NHSL1: variants seen among roughly 807,000 people sequenced by gnomAD.
The protein encoded by NHSL1 is NHS like 1, also known as NHS-like protein 1.
A neutral mutation model predicts 95.0 loss-of-function variants in NHSL1; 48 were observed. The observed-to-expected ratio is 0.51, with a 90% CI of 0.40 to 0.64. NHSL1 has a LOEUF of 0.64. Among genes scored for constraint, NHSL1 ranks in the 30% least tolerant of loss-of-function variants. NHSL1 has a pLI of 0.00. For missense variants in NHSL1, 1,971 were observed against 2,077.7 expected (o/e 0.95, Z 1.00); for synonymous variants, 783 against 833.9 (o/e 0.94, Z 1.05).
chr6:138,563,175 T>C (rs1056265710), intron 1 of NHSL1, among the ~76,000 whole-genome samples: 2 of 152,368 alleles, frequency 1.3e-5, no homozygotes, highest in Non-Finnish European at 2.9e-5. Context: ...ATTGTTTTTA[T>C]TGGTCACTTA....
At chr6:138,637,497 C>T (rs979385240) in intron 1 of NHSL1, among the ~76,000 whole-genome samples, 2 of 152,184 alleles carry the variant, frequency 1.3e-5, no homozygotes, top group Non-Finnish European at 2.9e-5. Flanking sequence ...AACTATCAAT[C>T]TGACAAGTGA....
chr6:138,583,769 C>T (rs1402374166), intron 1 of NHSL1, among the ~76,000 whole-genome samples: 1 of 152,170 alleles, frequency 6.6e-6, no homozygotes, highest in Admixed American at 6.5e-5. Context: ...TCTAATCTGG[C>T]TTGATTAGAT....
chr6:138,504,075 CAA>C (rs68018715), upstream of NHSL1, among the ~76,000 whole-genome samples: 186 of 129,852 alleles, frequency 1.4e-3, no homozygotes, highest in Non-Finnish European at 2.5e-3. Flanking sequence ...CCCAAAAATA[CAA>C]AAAAAATATT....
In NHSL1 at chr6:138,473,040, T is replaced by A. The variant is rs1778850576; in HGVS notation, c.339+266A>T. Among the ~76,000 whole-genome samples, 8 of 152,216 alleles carry A rather than the reference T, an allele frequency of 5.3e-5. No homozygotes were observed. In the South Asian group the frequency reaches 1.7e-3, roughly 31 times the overall value. ...CCTTTATGAATTCCTTAGATTATAA[T>A]CTTACCTTTTAAAAAATTAGGATAG... On this transcript the variant is annotated intron_variant, in intron 3 of 7. Transcript: ENST00000343505.
rs189557835 is a variant in NHSL1 at position 138,482,816 on chromosome 6, A to G, written c.212-9383T>C. On this transcript the variant is annotated intron_variant, in intron 2 of 7. Coordinates refer to ENST00000343505, the MANE Select transcript of NHSL1 (RefSeq NM_001144060.2). ...GTAGCTTGTAAAGGGTAGTGGGACTAAAGGGTTACATTCCCGCCTTCAAGG... is the reference window on the plus strand; with the variant it reads ...GTAGCTTGTAAAGGGTAGTGGGACTGAAGGGTTACATTCCCGCCTTCAAGG... 2.0e-5 allele frequency among the ~76,000 whole-genome samples: 3 copies of G among 152,318 alleles called. No homozygotes were observed. In the East Asian group the frequency reaches 5.8e-4, roughly 29 times the overall value.
intron 1 of NHSL1, among the ~76,000 whole-genome samples, chr6:138,531,575 G>A (rs1020047543): frequency 1.3e-5 from 2 of 151,104 alleles, no homozygotes; most frequent in Admixed American, 6.6e-5. Flanking sequence ...CTGGAGTGCA[G>A]TGGCAACATC....
intron 1 of NHSL1, 55 bp downstream of exon 1, chr6:138,499,178 C>A: frequency 8.7e-7 from 1 of 1,153,422 alleles, no homozygotes; most frequent in South Asian, 1.3e-5. Context: ...GGGACATATA[C>A]ACATATGGAA....
intron 1 of NHSL1, among the ~76,000 whole-genome samples, chr6:138,663,062 C>CAAAAAAAAAAAAAA (rs10632082): frequency 2.3e-4 from 29 of 126,620 alleles, no homozygotes; most frequent in African/African-American, 7.0e-4. Flanking sequence ...GAACTCACGG[C>CAAAAAAAAAAAAAA]AAAAAAAAAA....
At chr6:138,537,800 C>T (rs938773475) in intron 1 of NHSL1, among the ~76,000 whole-genome samples, 2 of 152,106 alleles carry the variant, frequency 1.3e-5, no homozygotes, top group Non-Finnish European at 2.9e-5. Flanking sequence ...TTCCCAAAGT[C>T]AATCTTGGAG....
At chr6:138,659,717 TTTTG>T (rs1354871860) in intron 1 of NHSL1, among the ~76,000 whole-genome samples, 3,092 of 134,548 alleles carry the variant, frequency 0.023, 115 homozygotes, top group African/African-American at 0.089. Flanking sequence ...CACGTTTTTT[TTTTG>T]TTTTTTTTTT....
At chr6:138,598,784 T>C (rs1335415112) in intron 1 of NHSL1, among the ~76,000 whole-genome samples, 1 of 152,052 alleles carries the variant, frequency 6.6e-6, no homozygotes, top group Non-Finnish European at 1.5e-5. Flanking sequence ...TGTGGTAGGG[T>C]GGGTGAAGCT....
Position 138,670,144 on chromosome 6 carries a change from C to A in NHSL1, c.96+22332G>T, listed in dbSNP as rs148807971. Among the ~76,000 whole-genome samples the A allele has an allele frequency of 3.3e-3, 505 of 151,300 alleles. 2 individuals carry two copies. Among genetic ancestry groups the A allele is most frequent in the African/African-American group, 0.012 (485 of 41,214 alleles). On this transcript the variant is annotated intron_variant, in intron 1 of 3. Coordinates refer to the NHSL1 transcript ENST00000491526. ...TCAAAAACTAAAATAAAAATAAAATCAATCAATCAATCAATAAAGTTACTG... is the reference window on the plus strand; with the variant it reads ...TCAAAAACTAAAATAAAAATAAAATAAATCAATCAATCAATAAAGTTACTG...
intron 1 of NHSL1, among the ~76,000 whole-genome samples, chr6:138,587,132 C>G (rs1784147435): frequency 6.6e-6 from 1 of 151,554 alleles, no homozygotes; most frequent in Non-Finnish European, 1.5e-5. Flanking sequence ...GCCACCATGC[C>G]CGGCTAATTT....
At chr6:138,482,445 C>CAAAA (rs34849976) in intron 2 of NHSL1, among the ~76,000 whole-genome samples, 6 of 81,210 alleles carry the variant, frequency 7.4e-5, no homozygotes, top group East Asian at 3.5e-4. Flanking sequence ...GACTCCGTCT[C>CAAAA]AAAAAAAAAA....
chr6:138,484,152 G>A (rs1156881758), intron 2 of NHSL1, among the ~76,000 whole-genome samples: 7 of 152,162 alleles, frequency 4.6e-5, no homozygotes, highest in Admixed American at 4.6e-4. Flanking sequence ...CAGGGAAACT[G>A]ACCAATCTAG....
chr6:138,490,762 AG>A (rs770755606), intron 2 of NHSL1, among the ~76,000 whole-genome samples: 89 of 152,144 alleles, frequency 5.8e-4, no homozygotes, highest in Middle Eastern at 6.8e-3. Flanking sequence ...CCTCCTGAGA[AG>A]GCTGGGACTA....
intron 1 of NHSL1, among the ~76,000 whole-genome samples, chr6:138,520,541 C>G (rs553264273): frequency 6.6e-6 from 1 of 152,060 alleles, no homozygotes; most frequent in African/African-American, 2.4e-5. Flanking sequence ...CTGCCCTCCT[C>G]GGCCTCCCAA....
At chr6:138,578,764 A>G (rs1349091761) in intron 1 of NHSL1, among the ~76,000 whole-genome samples, 1 of 152,018 alleles carries the variant, frequency 6.6e-6, no homozygotes, top group Middle Eastern at 3.2e-3. Context: ...GCAGAGTGTG[A>G]TTCAGGTCTG....
intron 1 of NHSL1, among the ~76,000 whole-genome samples, chr6:138,524,280 G>A (rs1237096260): frequency 6.6e-6 from 1 of 152,168 alleles, no homozygotes. Context: ...CACAAATTAT[G>A]TATGCAGCTC....
Sources: allele counts gnomAD v4.1 joint callset (sites outside exome capture counted in the v4.1 genomes callset), GRCh38; gene constraint gnomAD v4.1.1; transcripts MANE v1.5; gene names NCBI Gene and HGNC (gene_info 2026-07-23, HGNC 2026-07-21).